RGS6: variants seen among roughly 807,000 people sequenced by gnomAD.
RGS6 encodes the protein regulator of G-protein signaling 6.
In RGS6, 30 loss-of-function variants were observed where a neutral mutation model predicts 78.5. That is an observed-to-expected ratio of 0.38 (90% CI 0.29 to 0.52). RGS6 has a LOEUF of 0.52. Among genes scored for constraint, RGS6 ranks in the 20% least tolerant of loss-of-function variants. RGS6 has a pLI of 0.85. For synonymous variants in RGS6, 206 were observed against 206.0 expected (o/e 1.00, Z 0.00); for missense variants, 495 against 609.7 (o/e 0.81, Z 1.98).
upstream of RGS6, among the ~76,000 whole-genome samples, chr14:71,929,724 A>G (rs2087773770): frequency 6.6e-6 from 1 of 152,154 alleles, no homozygotes; most frequent in Non-Finnish European, 1.5e-5. Context: ...TGGTTGCCAA[A>G]TGGTGGTTTT....
At chr14:72,464,060 C>T (rs539361510) in intron 6 of RGS6, among the ~76,000 whole-genome samples, 11 of 152,228 alleles carry the variant, frequency 7.2e-5, no homozygotes, top group East Asian at 1.9e-4. Flanking sequence ...TTAAATCAAC[C>T]GCACTCAAAA....
chr14:72,175,531 C>T (rs2097093477), intron 2 of RGS6, among the ~76,000 whole-genome samples: 1 of 152,134 alleles, frequency 6.6e-6, no homozygotes, highest in Non-Finnish European at 1.5e-5. Flanking sequence ...TGGGAAATGA[C>T]AAGATGAAAT....
the RGS6 span, among the ~76,000 whole-genome samples, chr14:72,599,354 CAG>C: frequency 6.6e-6 from 1 of 151,198 alleles, no homozygotes; most frequent in Non-Finnish European, 1.5e-5. Flanking sequence ...TTCCTGCTGC[CAG>C]AGTCTGCAAT....
chr14:72,620,364 T>G, the RGS6 span, among the ~76,000 whole-genome samples: 3 of 152,244 alleles, frequency 2.0e-5, no homozygotes, highest in Non-Finnish European at 4.4e-5. Context: ...ACTTTATATA[T>G]TTGAAGATCT....
intron 2 of RGS6, among the ~76,000 whole-genome samples, chr14:72,143,794 TAATG>T (rs1223364845): frequency 6.6e-6 from 1 of 152,220 alleles, no homozygotes; most frequent in African/African-American, 2.4e-5. Context: ...TCTGATTAGA[TAATG>T]AAATAAATTT....
intron 2 of RGS6, among the ~76,000 whole-genome samples, chr14:72,091,730 C>T (rs1262703337): frequency 1.3e-5 from 2 of 152,116 alleles, no homozygotes; most frequent in Non-Finnish European, 2.9e-5. Context: ...AGGGGCCAAG[C>T]CGGTTCTAAA....
chr14:72,292,748 G>A (rs2063839410), intron 2 of RGS6, among the ~76,000 whole-genome samples: 1 of 152,212 alleles, frequency 6.6e-6, no homozygotes, highest in Admixed American at 6.5e-5. Flanking sequence ...AAGTGGACCA[G>A]TGCATCCCCT....
chr14:71,913,049 G>A, the RGS6 span, among the ~76,000 whole-genome samples: 1 of 151,886 alleles, frequency 6.6e-6, no homozygotes, highest in Non-Finnish European at 1.5e-5. Flanking sequence ...GGATGGTTTC[G>A]ATACCCTGAC....
chr14:72,476,975 A>C, intron 11 of RGS6, 135 bp downstream of exon 11: 2 of 727,152 alleles, frequency 2.8e-6, no homozygotes, highest in Non-Finnish European at 4.7e-6. Context: ...TGGGTGATTG[A>C]ACCTTTTAAG....
At chr14:72,408,559 C>CAAAAGCAAA (rs2093140025) in intron 3 of RGS6, among the ~76,000 whole-genome samples, 1 of 152,142 alleles carries the variant, frequency 6.6e-6, no homozygotes, top group Non-Finnish European at 1.5e-5. Flanking sequence ...TTGTGTGGGA[C>CAAAAGCAAA]TCTATCATCA....
chr14:71,895,532 A>G, the RGS6 span, among the ~76,000 whole-genome samples: 1 of 152,136 alleles, frequency 6.6e-6, no homozygotes, highest in South Asian at 2.1e-4. Context: ...AGATCATTAG[A>G]TATCCTGGGA....
intron 3 of RGS6, among the ~76,000 whole-genome samples, chr14:72,432,171 A>G (rs570644288): frequency 7.2e-5 from 11 of 152,060 alleles, no homozygotes; most frequent in Non-Finnish European, 1.3e-4. Flanking sequence ...ATTGACATAG[A>G]CCCCAGGAGC....
At chr14:72,230,207 TCTC>T (rs1471161516) in intron 2 of RGS6, among the ~76,000 whole-genome samples, 3 of 152,202 alleles carry the variant, frequency 2.0e-5, no homozygotes, top group Non-Finnish European at 2.9e-5. Flanking sequence ...TCTAGCGTCT[TCTC>T]CTGTGGTGAG....
intron 3 of RGS6, among the ~76,000 whole-genome samples, chr14:72,400,481 C>T (rs1056816509): frequency 3.3e-5 from 5 of 152,134 alleles, no homozygotes; most frequent in Non-Finnish European, 7.4e-5. Flanking sequence ...TTAGAGAATA[C>T]TTTGTGTAAG....
intron 2 of RGS6, among the ~76,000 whole-genome samples, chr14:72,202,254 G>GA (rs2041732346): frequency 6.6e-6 from 1 of 152,152 alleles, no homozygotes; most frequent in African/African-American, 2.4e-5. Context: ...AAATCGCTGA[G>GA]ACCATGCATC....
intron 2 of RGS6, among the ~76,000 whole-genome samples, chr14:72,015,636 C>G (rs370342545): frequency 3.0e-4 from 45 of 152,284 alleles, no homozygotes; most frequent in African/African-American, 1.0e-3. Context: ...TGGCTAGGTT[C>G]TAGAACGTGC....
At chr14:72,589,465 A>C in the RGS6 span, among the ~76,000 whole-genome samples, 1 of 152,196 alleles carries the variant, frequency 6.6e-6, no homozygotes, top group African/African-American at 2.4e-5. Context: ...CAGGAGAATC[A>C]CTTGAACCCA....
intron 3 of RGS6, among the ~76,000 whole-genome samples, chr14:72,394,637 A>C (rs1374692669): frequency 6.6e-6 from 1 of 152,192 alleles, no homozygotes; most frequent in Admixed American, 6.5e-5. Context: ...ACCAGACCTA[A>C]TGGTTATCTC....
chr14:72,240,056 A>G (rs560001093), intron 2 of RGS6, among the ~76,000 whole-genome samples: 1 of 152,314 alleles, frequency 6.6e-6, no homozygotes, highest in African/African-American at 2.4e-5. Flanking sequence ...AAAGCTCACT[A>G]TGGATGGCGG....
Sources: allele counts gnomAD v4.1 joint callset (sites outside exome capture counted in the v4.1 genomes callset), GRCh38; gene constraint gnomAD v4.1.1; transcripts MANE v1.5; gene names NCBI Gene and HGNC (gene_info 2026-07-23, HGNC 2026-07-21).